MEIKIN: variants seen among roughly 807,000 people sequenced by gnomAD.
The protein encoded by MEIKIN is meiosis-specific kinetochore protein.
chr5:131,856,912 A>C (rs1438947673), intron 9 of MEIKIN, among the ~76,000 whole-genome samples: 2 of 151,520 alleles, frequency 1.3e-5, no homozygotes, highest in Non-Finnish European at 2.9e-5. Flanking sequence ...AGCAGAACTA[A>C]ACTGTTCTAC....
rs1438481885 is a variant in MEIKIN at position 131,911,953 on chromosome 5, TTAAAA to T, written c.639-79_639-75del. On this transcript the variant is annotated intron_variant, in intron 7 of 12. Transcript: ENST00000442687. Reference sequence around the variant, plus strand: ...ACTTTCAAAAACCCTCAAATAATACTTAAAATAAAGATATTTATTTGAGATTAATT... The same window carrying T: ...ACTTTCAAAAACCCTCAAATAATACTTAAAGATATTTATTTGAGATTAATT... 11 of 394,162 alleles carry T rather than the reference TTAAAA, an allele frequency of 2.8e-5. No homozygotes were observed. The Admixed American group carries it at 4.9e-4, about 17-fold the overall frequency. 24.4% of individuals were successfully genotyped at this position (394,162 alleles called of 1,614,324 possible).
intron 9 of MEIKIN, among the ~76,000 whole-genome samples, chr5:131,874,988 G>A (rs1278083507): frequency 2.6e-5 from 4 of 152,132 alleles, no homozygotes; most frequent in African/African-American, 7.2e-5. Context: ...TTGATGGGAC[G>A]TATCTCAAAA....
chr5:131,906,895 T>C (rs1258149707), intron 8 of MEIKIN, among the ~76,000 whole-genome samples: 1 of 152,158 alleles, frequency 6.6e-6, no homozygotes, highest in Non-Finnish European at 1.5e-5. Context: ...ATTGAAAAAG[T>C]ACCTATCAGG....
rs148117231 is a variant in MEIKIN, at chr5:131,864,665, T to C, written c.775-9831A>G. Among the ~76,000 whole-genome samples, 1,197 of 152,340 alleles carry C rather than the reference T, an allele frequency of 7.9e-3. 54 individuals carry two copies. Among genetic ancestry groups the C allele is most frequent in the Admixed American group, 0.07 (1,075 of 15,300 alleles). On this transcript the variant is annotated intron_variant, in intron 9 of 12. Transcript: ENST00000442687. ...CTTTTAGAATTCTCTGTCTTTCACT[T>C]AGACAGTTTGACTACAATATGCCAT...
chr5:131,893,775 T>G (rs1750982356), intron 8 of MEIKIN, among the ~76,000 whole-genome samples: 1 of 152,234 alleles, frequency 6.6e-6, no homozygotes, highest in African/African-American at 2.4e-5. Flanking sequence ...TTCAGGATAT[T>G]AGCCCTTTGT....
At chr5:131,882,193 T>G (rs986598945) in intron 8 of MEIKIN, among the ~76,000 whole-genome samples, 1 of 152,238 alleles carries the variant, frequency 6.6e-6, no homozygotes, top group Non-Finnish European at 1.5e-5. Context: ...ATCTGATCAC[T>G]GTAATAGTTT....
chr5:131,856,774 T>C (rs1452926896), intron 9 of MEIKIN, among the ~76,000 whole-genome samples: 1 of 151,726 alleles, frequency 6.6e-6, no homozygotes, highest in Non-Finnish European at 1.5e-5. Context: ...CATTTTTTCT[T>C]AGATTTGTTA....
intron 8 of MEIKIN, among the ~76,000 whole-genome samples, chr5:131,897,064 G>C (rs927467359): frequency 5.3e-5 from 8 of 152,172 alleles, no homozygotes; most frequent in African/African-American, 1.7e-4. Flanking sequence ...AAGAGGTCTT[G>C]TAAGGCAGGC....
At chr5:131,940,089 T>A (rs991775375) in intron 4 of MEIKIN, among the ~76,000 whole-genome samples, 1 of 152,212 alleles carries the variant, frequency 6.6e-6, no homozygotes, top group Admixed American at 6.5e-5. Context: ...CGAAAACAAT[T>A]ACACTGTGGT....
At chr5:131,815,362 C>T (rs1050840866) in intron 12 of MEIKIN, among the ~76,000 whole-genome samples, 2 of 152,152 alleles carry the variant, frequency 1.3e-5, no homozygotes, top group Non-Finnish European at 2.9e-5. Context: ...AATCAGCATC[C>T]AATAAATGGT....
chr5:131,847,622 T>C (rs1160254292), intron 11 of MEIKIN, among the ~76,000 whole-genome samples: 3 of 152,020 alleles, frequency 2.0e-5, no homozygotes, highest in Non-Finnish European at 4.4e-5. Flanking sequence ...CTCTCAATAA[T>C]TGATAGAATA....
chr5:131,941,432 TA>T (rs1330748891), intron 4 of MEIKIN, among the ~76,000 whole-genome samples: 1 of 146,100 alleles, frequency 6.8e-6, no homozygotes, highest in African/African-American at 2.7e-5. Context: ...GTGCTGGGAT[TA>T]TAGGCGTGAG....
intron 11 of MEIKIN, among the ~76,000 whole-genome samples, chr5:131,830,981 T>A (rs1749707243): frequency 6.6e-6 from 1 of 151,988 alleles, no homozygotes. Context: ...CACTGCAACC[T>A]CTGCCTCCTG....
intron 7 of MEIKIN, among the ~76,000 whole-genome samples, chr5:131,915,497 C>T (rs374315556): frequency 5.9e-5 from 9 of 152,268 alleles, no homozygotes; most frequent in African/African-American, 2.2e-4. Flanking sequence ...AAACACTTAA[C>T]ATTTAGGGTG....
chr5:131,828,366 T>C (rs1166303756), intron 11 of MEIKIN, among the ~76,000 whole-genome samples: 1 of 152,116 alleles, frequency 6.6e-6, no homozygotes, highest in Non-Finnish European at 1.5e-5. Context: ...TTTCACCATG[T>C]TGCCCAGGCT....
intron 8 of MEIKIN, among the ~76,000 whole-genome samples, chr5:131,893,208 G>C (rs1750966029): frequency 6.6e-6 from 1 of 152,224 alleles, no homozygotes; most frequent in African/African-American, 2.4e-5. Context: ...ACAGAGGCAG[G>C]CAGGCCTCCT....
intron 4 of MEIKIN, among the ~76,000 whole-genome samples, chr5:131,937,151 T>C (rs1751794556): frequency 6.6e-6 from 1 of 152,184 alleles, no homozygotes; most frequent in Admixed American, 6.5e-5. Context: ...CTAGATCCCA[T>C]GATTTCTTCC....
chr5:131,824,821 A>G (rs552941551), intron 11 of MEIKIN, among the ~76,000 whole-genome samples: 1 of 152,236 alleles, frequency 6.6e-6, no homozygotes, highest in South Asian at 2.1e-4. Flanking sequence ...AAATTAATGA[A>G]AGACATGAAT....
At chr5:131,893,011 T>C (rs1355685776) in intron 8 of MEIKIN, among the ~76,000 whole-genome samples, 1 of 152,122 alleles carries the variant, frequency 6.6e-6, no homozygotes, top group Non-Finnish European at 1.5e-5. Context: ...GTATCAGCAG[T>C]GGTGGCTGCA....
Sources: allele counts gnomAD v4.1 joint callset (sites outside exome capture counted in the v4.1 genomes callset), GRCh38; gene constraint gnomAD v4.1.1; transcripts MANE v1.5; gene names NCBI Gene and HGNC (gene_info 2026-07-23, HGNC 2026-07-21).